Variants in LDB2 observed in about 807,000 individuals in gnomAD.
The protein encoded by LDB2 is LIM domain binding 2, also known as LIM domain-binding protein 2.
Under a neutral mutation model 44.3 loss-of-function variants are expected in LDB2, and 12 were observed. That is an observed-to-expected ratio of 0.27 (90% CI 0.17 to 0.44). LDB2 has a LOEUF of 0.44. LDB2 is among the 20% of genes least tolerant of loss of function. The pLI, the probability that LDB2 is intolerant of heterozygous loss-of-function variation, is 1.00. For synonymous variants in LDB2, 164 were observed against 174.8 expected, an observed-to-expected ratio of 0.94 and a Z score of 0.49; for missense variants, 344 against 473.5, an observed-to-expected ratio of 0.73 and a Z score of 2.54.
At chr4:16,869,584 T>C (rs1715830622) in intron 1 of LDB2, among the ~76,000 whole-genome samples, 1 of 152,206 alleles carries the variant, frequency 6.6e-6, no homozygotes, top group Non-Finnish European at 1.5e-5. Flanking sequence ...CATCTTCAGT[T>C]AGATGACTTG....
chr4:16,671,970 G>A (rs1408918884), intron 2 of LDB2, among the ~76,000 whole-genome samples: 1 of 152,196 alleles, frequency 6.6e-6, no homozygotes, highest in Non-Finnish European at 1.5e-5. Context: ...GGAGTCCACT[G>A]GGACGCAATT....
intron 1 of LDB2, among the ~76,000 whole-genome samples, chr4:16,766,663 G>T (rs1447171601): frequency 2.6e-5 from 4 of 151,494 alleles, no homozygotes; most frequent in African/African-American, 9.7e-5. Flanking sequence ...CCACCACCAC[G>T]CCCAGCTAAT....
At chr4:16,858,683 T>C (rs1474374363) in intron 1 of LDB2, among the ~76,000 whole-genome samples, 2 of 152,184 alleles carry the variant, frequency 1.3e-5, no homozygotes, top group East Asian at 1.9e-4. Context: ...GGTGGGGGTA[T>C]TGTTGGAGCT....
chr4:16,564,194 A>C (rs986119295), intron 5 of LDB2, among the ~76,000 whole-genome samples: 1 of 152,056 alleles, frequency 6.6e-6, no homozygotes, highest in East Asian at 1.9e-4. Flanking sequence ...AATCCAACAC[A>C]TAAAAAAATA....
intron 1 of LDB2, among the ~76,000 whole-genome samples, chr4:16,771,276 A>G (rs1042644373): frequency 1.4e-4 from 21 of 152,202 alleles, no homozygotes; most frequent in Non-Finnish European, 2.8e-4. Context: ...ACAAAGACAA[A>G]TATAAGAAAC....
At chr4:16,747,297 G>A (rs1392416426) in intron 2 of LDB2, among the ~76,000 whole-genome samples, 1 of 152,002 alleles carries the variant, frequency 6.6e-6, no homozygotes, top group Admixed American at 6.6e-5. Flanking sequence ...AAAAATAATA[G>A]AGCTCCAAGT....
At chr4:16,643,096 G>A (rs1735661639) in intron 2 of LDB2, among the ~76,000 whole-genome samples, 1 of 149,622 alleles carries the variant, frequency 6.7e-6, no homozygotes, top group Admixed American at 6.7e-5. Context: ...TTTCCCGGTA[G>A]ATGGCAGTAA....
At chr4:16,621,437 C>T (rs539236612) in intron 2 of LDB2, among the ~76,000 whole-genome samples, 11 of 152,164 alleles carry the variant, frequency 7.2e-5, no homozygotes, top group East Asian at 3.9e-4. Context: ...AGATGTGTGT[C>T]GAGAAGATAA....
chr4:16,528,597 A>G (rs978926091), intron 5 of LDB2, among the ~76,000 whole-genome samples: 1 of 152,238 alleles, frequency 6.6e-6, no homozygotes, highest in African/African-American at 2.4e-5. Flanking sequence ...GCCTTCGGCC[A>G]GCCTTGCTGA....
intron 5 of LDB2, among the ~76,000 whole-genome samples, chr4:16,549,980 C>A (rs1454072711): frequency 6.6e-6 from 1 of 152,158 alleles, no homozygotes; most frequent in African/African-American, 2.4e-5. Flanking sequence ...TTAGATGTGT[C>A]CTTCTGAGCT....
chr4:16,852,665 G>C (rs1788524770), intron 1 of LDB2, among the ~76,000 whole-genome samples: 1 of 152,058 alleles, frequency 6.6e-6, no homozygotes, highest in Non-Finnish European at 1.5e-5. Context: ...TTATCAGTTT[G>C]TTTTTTGTAT....
intron 5 of LDB2, among the ~76,000 whole-genome samples, chr4:16,526,558 A>G (rs1728313305): frequency 6.6e-6 from 1 of 152,224 alleles, no homozygotes; most frequent in Non-Finnish European, 1.5e-5. Context: ...TCTATCATCT[A>G]TCATCTATAT....
chr4:16,685,979 G>A (rs1749142617), intron 2 of LDB2, among the ~76,000 whole-genome samples: 1 of 152,188 alleles, frequency 6.6e-6, no homozygotes, highest in Non-Finnish European at 1.5e-5. Flanking sequence ...TTGAACTTGG[G>A]AGGTGGAGGT....
intron 1 of LDB2, among the ~76,000 whole-genome samples, chr4:16,784,805 C>G (rs578244601): frequency 1.3e-5 from 2 of 152,256 alleles, no homozygotes; most frequent in Admixed American, 1.3e-4. Flanking sequence ...CCATTATATA[C>G]CCTATGCACT....
chr4:16,777,600 T>G (rs1006101386), intron 1 of LDB2, among the ~76,000 whole-genome samples: 1 of 152,166 alleles, frequency 6.6e-6, no homozygotes, highest in East Asian at 1.9e-4. Flanking sequence ...TAAGCAGGCA[T>G]GTGTCATGAT....
intron 2 of LDB2, among the ~76,000 whole-genome samples, chr4:16,615,681 A>G (rs1400257510): frequency 6.6e-6 from 1 of 152,190 alleles, no homozygotes; most frequent in Non-Finnish European, 1.5e-5. Flanking sequence ...ACATATACCT[A>G]TGTAACAAAC....
intron 2 of LDB2, among the ~76,000 whole-genome samples, chr4:16,642,798 G>A (rs955966180): frequency 2.6e-5 from 4 of 152,144 alleles, no homozygotes; most frequent in Admixed American, 6.5e-5. Context: ...AGATGACCAC[G>A]GGTAACTGCC....
At chr4:16,554,319 G>T (rs903537270) in intron 5 of LDB2, among the ~76,000 whole-genome samples, 1 of 152,080 alleles carries the variant, frequency 6.6e-6, no homozygotes, top group Non-Finnish European at 1.5e-5. Context: ...CAAAGTGCTG[G>T]GATTACAGGT....
chr4:16,644,674 C>T (rs1405706950), intron 2 of LDB2, among the ~76,000 whole-genome samples: 1 of 152,226 alleles, frequency 6.6e-6, no homozygotes, highest in Non-Finnish European at 1.5e-5. Context: ...AAGTCATCCA[C>T]CTGCCTTGGC....
Sources: gnomAD v4.1 joint callset for allele counts (sites outside exome capture counted in the v4.1 genomes callset) on GRCh38, gnomAD v4.1.1 for gene constraint, MANE v1.5 for transcripts, NCBI Gene and HGNC (gene_info 2026-07-23, HGNC 2026-07-21) for gene names.